ARL15: variants seen among roughly 807,000 people sequenced by gnomAD.
ARL15 encodes ADP-ribosylation factor-like protein 15.
Under a neutral mutation model 25.2 loss-of-function variants are expected in ARL15, and 19 were observed. The ratio of observed to expected loss-of-function variants is 0.75; its 90% CI spans 0.53 to 1.10. The LOEUF is 1.10. ARL15 is among the 50% of genes least tolerant of loss of function. The probability of loss-of-function intolerance (pLI) is 0.00; values close to 1 mark genes in which losing one functional copy is unlikely to be tolerated. For missense variants in ARL15, 220 were observed against 246.0 expected (o/e 0.89, Z 0.71); for synonymous variants, 94 against 86.8 (o/e 1.08, Z -0.46).
At chr5:54,229,769 G>A (rs746700351) in intron 1 of ARL15, among the ~76,000 whole-genome samples, 29 of 152,172 alleles carry the variant, frequency 1.9e-4, no homozygotes, top group Non-Finnish European at 3.5e-4. Context: ...TTTAATTGTG[G>A]TCATTGCTCC....
intron 4 of ARL15, among the ~76,000 whole-genome samples, chr5:53,992,539 T>C (rs1220678615): frequency 6.6e-6 from 1 of 152,238 alleles, no homozygotes; most frequent in South Asian, 2.1e-4. Flanking sequence ...TCCATTAAAT[T>C]TCACCTTTGC....
At chr5:54,259,035 C>G (rs1251233986) in intron 1 of ARL15, among the ~76,000 whole-genome samples, 2 of 152,204 alleles carry the variant, frequency 1.3e-5, no homozygotes, top group African/African-American at 2.4e-5. Flanking sequence ...ACTTTCAATC[C>G]AGCCAAGCTA....
intron 1 of ARL15, among the ~76,000 whole-genome samples, chr5:54,251,267 C>T (rs1225445053): frequency 1.3e-5 from 2 of 152,154 alleles, no homozygotes; most frequent in Admixed American, 1.3e-4. Flanking sequence ...CTTAAGCATG[C>T]TTTGAACTTT....
chr5:54,034,410 T>C (rs182227789), intron 4 of ARL15, among the ~76,000 whole-genome samples: 1 of 152,216 alleles, frequency 6.6e-6, no homozygotes, highest in East Asian at 1.9e-4. Context: ...AATCTTGAAA[T>C]TGACAATAGA....
At chr5:53,993,369 G>A (rs1216772741) in intron 4 of ARL15, among the ~76,000 whole-genome samples, 2 of 152,104 alleles carry the variant, frequency 1.3e-5, no homozygotes. Context: ...TAGCCTTTGT[G>A]AGGCTGAGGC....
intron 4 of ARL15, among the ~76,000 whole-genome samples, chr5:53,969,597 A>T (rs756820773): frequency 2.6e-5 from 4 of 152,218 alleles, no homozygotes; most frequent in Admixed American, 1.3e-4. Context: ...AACAGATAAA[A>T]GCAGGTCTGT....
intron 4 of ARL15, among the ~76,000 whole-genome samples, chr5:53,936,266 T>C (rs999407496): frequency 1.3e-5 from 2 of 152,188 alleles, no homozygotes; most frequent in Non-Finnish European, 2.9e-5. Flanking sequence ...GTACTTTATG[T>C]TTTTTGTGCA....
At chr5:54,000,840 T>G (rs750017235) in intron 4 of ARL15, among the ~76,000 whole-genome samples, 1 of 152,132 alleles carries the variant, frequency 6.6e-6, no homozygotes, top group Non-Finnish European at 1.5e-5. Flanking sequence ...TGCTGACATA[T>G]TAGATTTCAC....
At chr5:54,166,464 G>T (rs1041516675) in intron 2 of ARL15, among the ~76,000 whole-genome samples, 3 of 152,110 alleles carry the variant, frequency 2.0e-5, no homozygotes, top group Non-Finnish European at 4.4e-5. Context: ...GCTTCTCAAA[G>T]TATTGGGATT....
intron 1 of ARL15, among the ~76,000 whole-genome samples, chr5:54,248,547 A>G (rs1757153690): frequency 6.6e-6 from 1 of 151,988 alleles, no homozygotes; most frequent in South Asian, 2.1e-4. Flanking sequence ...CTCCCATCCC[A>G]TACACTCTTT....
At chr5:54,183,545 G>A (rs1394112159) in intron 1 of ARL15, among the ~76,000 whole-genome samples, 4 of 147,986 alleles carry the variant, frequency 2.7e-5, no homozygotes, top group Admixed American at 6.8e-5. Context: ...TGCTGGATTC[G>A]GTTTGCCAGT....
chr5:54,028,287 A>C (rs998400050), intron 4 of ARL15, among the ~76,000 whole-genome samples: 1 of 152,152 alleles, frequency 6.6e-6, no homozygotes, highest in Admixed American at 6.5e-5. Flanking sequence ...AAGTTCCATA[A>C]CTGCAATCGG....
intron 4 of ARL15, among the ~76,000 whole-genome samples, chr5:53,950,087 A>G (rs1746892678): frequency 6.6e-6 from 1 of 152,182 alleles, no homozygotes; most frequent in Non-Finnish European, 1.5e-5. Flanking sequence ...TAATTTGATG[A>G]TTATGTGCAA....
At chr5:54,105,258 A>G (rs1752554033) in intron 4 of ARL15, among the ~76,000 whole-genome samples, 1 of 151,978 alleles carries the variant, frequency 6.6e-6, no homozygotes, top group South Asian at 2.1e-4. Context: ...AGGAAAGGGT[A>G]CCTTAAACTT....
chr5:54,296,978 G>C (rs998294356), intron 1 of ARL15, among the ~76,000 whole-genome samples: 4 of 152,240 alleles, frequency 2.6e-5, no homozygotes, highest in Non-Finnish European at 5.9e-5. Flanking sequence ...GCACAGAGCA[G>C]TGTACAGTAA....
At chr5:54,130,569 T>C (rs1393530686) in intron 3 of ARL15, among the ~76,000 whole-genome samples, 1 of 152,216 alleles carries the variant, frequency 6.6e-6, no homozygotes, top group Non-Finnish European at 1.5e-5. Context: ...AGAAATGATA[T>C]ATTATTAACT....
intron 4 of ARL15, among the ~76,000 whole-genome samples, chr5:53,959,635 C>G (rs1165196046): frequency 6.6e-6 from 1 of 152,072 alleles, no homozygotes; most frequent in African/African-American, 2.4e-5. Context: ...TATAGAGGTG[C>G]AGTTCTCTCT....
At chr5:54,208,656 A>G (rs1463951328) in intron 1 of ARL15, among the ~76,000 whole-genome samples, 1 of 152,210 alleles carries the variant, frequency 6.6e-6, no homozygotes, top group African/African-American at 2.4e-5. Flanking sequence ...TTCTATACCA[A>G]CTAAACCATC....
chr5:54,245,846 C>T (rs985731484), intron 1 of ARL15, among the ~76,000 whole-genome samples: 3 of 152,150 alleles, frequency 2.0e-5, no homozygotes, highest in African/African-American at 7.2e-5. Flanking sequence ...CCTCGGCCTT[C>T]CAAAGTGCTG....
Sources: allele counts gnomAD v4.1 joint callset (sites outside exome capture counted in the v4.1 genomes callset), GRCh38; gene constraint gnomAD v4.1.1; transcripts MANE v1.5; gene names NCBI Gene and HGNC (gene_info 2026-07-23, HGNC 2026-07-21).